LINGO2: variants seen among roughly 807,000 people sequenced by gnomAD.
LINGO2 encodes leucine rich repeat and Ig domain containing 2.
Under a neutral mutation model 30.6 loss-of-function variants are expected in LINGO2, and 14 were observed. The ratio of observed to expected loss-of-function variants is 0.46; its 90% CI spans 0.30 to 0.72. The LOEUF (loss-of-function observed/expected upper bound fraction) is 0.72. Among genes scored for constraint, LINGO2 ranks in the 30% least tolerant of loss-of-function variants. The probability of loss-of-function intolerance (pLI) is 0.07; values close to 1 mark genes in which losing one functional copy is unlikely to be tolerated. For synonymous variants in LINGO2, 317 were observed against 288.5 expected (o/e 1.10, Z -1.00); for missense variants, 729 against 751.7 (o/e 0.97, Z 0.35).
At chr9:28,104,097 G>C (rs1210685682) in intron 4 of LINGO2, among the ~76,000 whole-genome samples, 1 of 151,856 alleles carries the variant, frequency 6.6e-6, no homozygotes, top group Admixed American at 6.6e-5. Context: ...AAAGCATCCA[G>C]CACATATTAT....
At chr9:28,656,669 T>C (rs1287996048) in intron 1 of LINGO2, among the ~76,000 whole-genome samples, 1 of 152,116 alleles carries the variant, frequency 6.6e-6, no homozygotes, top group Non-Finnish European at 1.5e-5. Flanking sequence ...CTATTTACTA[T>C]AATAAATGTT....
chr9:28,370,702 G>A (rs1587557427), intron 3 of LINGO2, among the ~76,000 whole-genome samples: 2 of 152,032 alleles, frequency 1.3e-5, no homozygotes, highest in Non-Finnish European at 2.9e-5. Context: ...TTACAGAAAG[G>A]TTTCTATTCC....
At chr9:28,844,135 G>A in the LINGO2 span, among the ~76,000 whole-genome samples, 192 of 151,958 alleles carry the variant, frequency 1.3e-3, 7 homozygotes, top group East Asian at 0.034. Flanking sequence ...GCTGAGGCGG[G>A]TGGATCACCT....
chr9:29,026,693 T>C, the LINGO2 span, among the ~76,000 whole-genome samples: 1 of 152,166 alleles, frequency 6.6e-6, no homozygotes, highest in Non-Finnish European at 1.5e-5. Context: ...TCTTCCTTCT[T>C]TGTTTAATCT....
At chr9:29,198,827 T>A in the LINGO2 span, among the ~76,000 whole-genome samples, 1 of 152,080 alleles carries the variant, frequency 6.6e-6, no homozygotes, top group African/African-American at 2.4e-5. Flanking sequence ...AATCCCAACA[T>A]AGGGGATGAA....
At chr9:29,034,371 A>T in the LINGO2 span, among the ~76,000 whole-genome samples, 2 of 152,158 alleles carry the variant, frequency 1.3e-5, no homozygotes, top group Non-Finnish European at 2.9e-5. Context: ...TTAACATTAA[A>T]TACTTCATAT....
chr9:28,887,148 G>T, the LINGO2 span, among the ~76,000 whole-genome samples: 1 of 152,104 alleles, frequency 6.6e-6, no homozygotes, highest in Non-Finnish European at 1.5e-5. Flanking sequence ...AAACACGCTT[G>T]TCAGTTTCTA....
At chr9:28,104,266 G>GTTTTTTTTTTTTTTTTTTT (rs74180789) in intron 4 of LINGO2, among the ~76,000 whole-genome samples, 1 of 97,430 alleles carries the variant, frequency 1.0e-5, no homozygotes, top group African/African-American at 3.8e-5. Context: ...TTTTTTGTTT[G>GTTTTTTTTTTTTTTTTTTT]TTTTTTTTTT....
the LINGO2 span, among the ~76,000 whole-genome samples, chr9:28,741,788 C>T: frequency 6.6e-6 from 1 of 151,684 alleles, no homozygotes; most frequent in East Asian, 1.9e-4. Context: ...GGCCTAGAGT[C>T]TGGGTCTGCG....
chr9:28,687,675 C>A, the LINGO2 span, among the ~76,000 whole-genome samples: 1 of 152,116 alleles, frequency 6.6e-6, no homozygotes, highest in East Asian at 1.9e-4. Flanking sequence ...AAGCTCTATG[C>A]ACATGGATAC....
chr9:28,768,613 GAC>G, the LINGO2 span, among the ~76,000 whole-genome samples: 7,898 of 144,390 alleles, frequency 0.055, 274 homozygotes, highest in African/African-American at 0.097. Flanking sequence ...GACAGACTGG[GAC>G]ACACACACAC....
intron 4 of LINGO2, among the ~76,000 whole-genome samples, chr9:28,110,576 A>T (rs1207843140): frequency 6.6e-6 from 1 of 152,076 alleles, no homozygotes; most frequent in Non-Finnish European, 1.5e-5. Context: ...AAAGTGGGCT[A>T]AGTATATGCA....
intron 3 of LINGO2, among the ~76,000 whole-genome samples, chr9:28,366,573 C>T (rs776533727): frequency 3.6e-4 from 55 of 151,998 alleles, no homozygotes; most frequent in Non-Finnish European, 5.9e-4. Flanking sequence ...TGCTGGAGGA[C>T]TCACTGCTTC....
intron 3 of LINGO2, among the ~76,000 whole-genome samples, chr9:28,300,739 G>A (rs1453802890): frequency 6.6e-6 from 1 of 150,702 alleles, no homozygotes; most frequent in African/African-American, 2.5e-5. Flanking sequence ...CATGTTTTAA[G>A]TTCTATGCAA....
chr9:28,233,077 TATACAGTAA>T (rs1250488846), intron 4 of LINGO2, among the ~76,000 whole-genome samples: 2 of 138,354 alleles, frequency 1.4e-5, no homozygotes, highest in African/African-American at 5.6e-5. Flanking sequence ...ATATAATAGA[TATACAGTAA>T]ACATTTTAAA....
chr9:28,146,256 G>C (rs1827809496), intron 4 of LINGO2, among the ~76,000 whole-genome samples: 1 of 152,124 alleles, frequency 6.6e-6, no homozygotes, highest in Non-Finnish European at 1.5e-5. Flanking sequence ...AGTTTTTGCT[G>C]TCCCTGGGCC....
chr9:28,749,647 G>C, the LINGO2 span, among the ~76,000 whole-genome samples: 2 of 151,878 alleles, frequency 1.3e-5, no homozygotes, highest in African/African-American at 2.4e-5. Flanking sequence ...TTAAAATAAA[G>C]AGAGCACTTC....
At chr9:29,035,091 C>A in the LINGO2 span, among the ~76,000 whole-genome samples, 5 of 151,800 alleles carry the variant, frequency 3.3e-5, no homozygotes, top group Non-Finnish European at 7.4e-5. Flanking sequence ...ATAATAAAAC[C>A]GTGAAGCTCT....
chr9:28,555,925 G>C (rs1443315211), intron 1 of LINGO2, among the ~76,000 whole-genome samples: 3 of 152,014 alleles, frequency 2.0e-5, no homozygotes, highest in African/African-American at 7.2e-5. Flanking sequence ...TGCAGAAAAG[G>C]CCTTTGACAA....
Sources: allele counts gnomAD v4.1 joint callset (sites outside exome capture counted in the v4.1 genomes callset), GRCh38; gene constraint gnomAD v4.1.1; transcripts MANE v1.5; gene names NCBI Gene and HGNC (gene_info 2026-07-23, HGNC 2026-07-21).